Variants in EPRS1 observed in about 807,000 individuals in gnomAD.
The protein encoded by EPRS1 is glutamyl-prolyl-tRNA synthetase 1, also known as bifunctional glutamate/proline--tRNA ligase.
EPRS1 carries 107 observed loss-of-function variants against 188.3 expected under a neutral mutation model. The ratio of observed to expected loss-of-function variants is 0.57; its 90% CI spans 0.49 to 0.67. The LOEUF (loss-of-function observed/expected upper bound fraction) is 0.67, where lower values mean the gene tolerates loss of function less well. Ranked by LOEUF, EPRS1 falls within the 30% of genes least tolerant of loss-of-function variation. The pLI is 0.00. For synonymous variants in EPRS1, 596 were observed against 593.1 expected, an observed-to-expected ratio of 1.00 and a Z score of -0.07; for missense variants, 1,577 against 1,802.2, an observed-to-expected ratio of 0.88 and a Z score of 2.26.
chr1:219,970,853 A>T (rs1008224097), intron 30 of EPRS1, among the ~76,000 whole-genome samples: 6 of 152,008 alleles, frequency 3.9e-5, no homozygotes, highest in Admixed American at 3.3e-4. Flanking sequence ...TTACAAAAGC[A>T]ATAACCCAAT....
At chr1:220,010,265 T>G (rs527580569) in intron 13 of EPRS1, among the ~76,000 whole-genome samples, 1 of 152,102 alleles carries the variant, frequency 6.6e-6, no homozygotes, top group Admixed American at 6.6e-5. Flanking sequence ...CCCTAGTTAA[T>G]AGAGAATGCA....
chr1:220,018,312 T>C, intron 12 of EPRS1, 137 bp downstream of exon 12: 1 of 933,210 alleles, frequency 1.1e-6, no homozygotes, highest in Non-Finnish European at 1.7e-6. Flanking sequence ...AGGAAAACAT[T>C]CCATTTTCCT....
intron 18 of EPRS1, among the ~76,000 whole-genome samples, chr1:219,993,060 C>T (rs1342326991): frequency 1.3e-5 from 2 of 152,058 alleles, no homozygotes; most frequent in Non-Finnish European, 2.9e-5. Flanking sequence ...CACAGTGAAA[C>T]CCCGTCTCTA....
Position 219,982,757 on chromosome 1 carries a change from A to T in EPRS1, c.3373+15T>A, listed in dbSNP as rs1311601731. ...TTCAGTGAGCATTCTCTTGCACTCC[A>T]ATGCCTATTCTCACCTGTTTCACTA... On this transcript the variant is annotated intron_variant, in intron 23 of 31. Transcript: ENST00000366923. 2 of 1,611,272 alleles carry T rather than the reference A, an allele frequency of 1.2e-6. No individual in the cohort carries two copies. The highest frequency in any genetic ancestry group is 2.7e-5 in the African/African-American group (2 of 74,878).
At chr1:220,026,858 A>AG (rs1381262452) in intron 6 of EPRS1, among the ~76,000 whole-genome samples, 5 of 151,820 alleles carry the variant, frequency 3.3e-5, no homozygotes, top group African/African-American at 1.2e-4. Flanking sequence ...TCCATATGGG[A>AG]GGGGGAAAAG....
At chr1:219,976,838 T>G (rs765207930) in intron 28 of EPRS1, among the ~76,000 whole-genome samples, 1 of 152,254 alleles carries the variant, frequency 6.6e-6, no homozygotes, top group African/African-American at 2.4e-5. Flanking sequence ...TTTCTAAAAC[T>G]AGTTACAAAT....
chr1:220,004,571 A>T (rs1030472942), intron 16 of EPRS1, among the ~76,000 whole-genome samples: 3 of 152,188 alleles, frequency 2.0e-5, no homozygotes, highest in Non-Finnish European at 4.4e-5. Flanking sequence ...GCTGAGTGAA[A>T]AAAGGGATGA....
Position 219,979,541 on chromosome 1 carries a change from T to G in EPRS1, c.3786A>C (p.Pro1262=). Reference sequence around the variant, plus strand: ...TTTGATAGGCAAATTGCTTCTCTCCTGGTATCTTTGGATCTTCAAAAACGA... The same window carrying G: ...TTTGATAGGCAAATTGCTTCTCTCCGGGTATCTTTGGATCTTCAAAAACGA... ...FEIVFEDPKI[P]GEKQFAYQNS... The change falls in exon 27 of 32, where the codon CCA becomes CCC. Residue 1262 remains proline (P), a synonymous_variant. Transcript: ENST00000366923. The G allele has an allele frequency of 6.2e-7, 1 of 1,614,022 alleles. No individual in the cohort carries two copies. Among genetic ancestry groups the G allele is most frequent in the Middle Eastern group, 1.7e-4 (1 of 6,060 alleles).
At position 220,001,180 on chromosome 1, in the gene EPRS1, T is replaced by A; in HGVS notation, c.2139A>T (p.Ser713=). ...PDGHTKEMPT[S]GSKEKTKVEA... ...CTACTTTGGTCTTTTCCTTTGACCC[T>A]GATGTTGGCATTTCCTTTGTGTGCC... The change falls in exon 17 of 32, where the codon TCA becomes TCT. Residue 713 remains serine, a synonymous_variant. Transcript: ENST00000366923. 1 of 1,613,952 alleles carries A rather than the reference T, an allele frequency of 6.2e-7. No individual in the cohort carries two copies. The highest frequency in any genetic ancestry group is 8.5e-7 in the Non-Finnish European group (1 of 1,179,822).
chr1:219,981,294 GAAAAT>G, intron 24 of EPRS1, 79 bp downstream of exon 24: 1 of 871,518 alleles, frequency 1.1e-6, no homozygotes, highest in African/African-American at 1.8e-5. Flanking sequence ...CCAATCCTTT[GAAAAT>G]AAAAACAAAA....
chr1:220,026,442 C>T (rs1661973805), intron 6 of EPRS1, among the ~76,000 whole-genome samples: 1 of 152,100 alleles, frequency 6.6e-6, no homozygotes, highest in African/African-American at 2.4e-5. Flanking sequence ...AGGCATGAAG[C>T]AAGGAAGTTT....
At chr1:220,006,866 T>C (rs115340561) in intron 14 of EPRS1, among the ~76,000 whole-genome samples, 93 of 152,352 alleles carry the variant, frequency 6.1e-4, no homozygotes, top group Non-Finnish European at 1.1e-3. Context: ...GATTATGTTA[T>C]ACATATAAAT....
At chr1:220,018,650 A>C in intron 11 of EPRS1, 142 bp from the exon 12 acceptor site, 1 of 659,094 alleles carries the variant, frequency 1.5e-6, no homozygotes, top group South Asian at 1.9e-5. Context: ...TATAAAACTC[A>C]GTGTATACAA....
chr1:220,028,803 CT>C (rs1558060329), intron 6 of EPRS1, among the ~76,000 whole-genome samples: 53 of 151,592 alleles, frequency 3.5e-4, no homozygotes, highest in Non-Finnish European at 5.3e-4. Context: ...GCCTTCTGGC[CT>C]TTCATTTAAG....
chr1:220,003,178 AATG>A (rs1661392954), intron 16 of EPRS1, among the ~76,000 whole-genome samples: 1 of 152,190 alleles, frequency 6.6e-6, no homozygotes, highest in South Asian at 2.1e-4. Flanking sequence ...AGTGGTATGC[AATG>A]ATATTTCATT....
chr1:220,027,056 C>T (rs930835010), intron 6 of EPRS1, among the ~76,000 whole-genome samples: 2 of 150,946 alleles, frequency 1.3e-5, no homozygotes, highest in South Asian at 2.1e-4. Flanking sequence ...CTTTGGGAGG[C>T]GGAGGCGGGC....
intron 28 of EPRS1, among the ~76,000 whole-genome samples, chr1:219,975,044 T>A (rs7535767): frequency 0.46 from 69,759 of 151,760 alleles, 16,088 homozygotes; most frequent in South Asian, 0.52. Context: ...CAAAAATGCC[T>A]ATGTCATAAA....
At chr1:220,005,073 AG>A (rs1186268007) in intron 16 of EPRS1, among the ~76,000 whole-genome samples, 174 bp downstream of exon 16, 1 of 152,222 alleles carries the variant, frequency 6.6e-6, no homozygotes, top group African/African-American at 2.4e-5. Flanking sequence ...GTTGTTTCAA[AG>A]ATCACTTGTT....
intron 18 of EPRS1, among the ~76,000 whole-genome samples, chr1:219,994,181 G>A (rs1661178749): frequency 6.6e-6 from 1 of 152,192 alleles, no homozygotes; most frequent in South Asian, 2.1e-4. Flanking sequence ...CCATGTCTGT[G>A]TGAGTTTTCT....
Sources: allele counts gnomAD v4.1 joint callset (sites outside exome capture counted in the v4.1 genomes callset), GRCh38; gene constraint gnomAD v4.1.1; transcripts MANE v1.5; gene names NCBI Gene and HGNC (gene_info 2026-07-23, HGNC 2026-07-21).